Variants in TULP2 observed in about 807,000 individuals in gnomAD.
The protein encoded by TULP2 is tubby-related protein 2.
Under a neutral mutation model 60.3 loss-of-function variants are expected in TULP2, and 64 were observed. The observed-to-expected ratio is 1.06, with a 90% CI of 0.87 to 1.31. The LOEUF (loss-of-function observed/expected upper bound fraction) is 1.31. Ranked by LOEUF, TULP2 falls within the 50% of genes most tolerant of loss-of-function variation. TULP2 has a pLI of 0.00. For missense variants in TULP2, 652 were observed against 667.0 expected, an observed-to-expected ratio of 0.98 and a Z score of 0.25; for synonymous variants, 267 against 265.4, an observed-to-expected ratio of 1.01 and a Z score of -0.06.
intron 9 of TULP2, among the ~76,000 whole-genome samples, chr19:48,885,192 C>T (rs1424927773): frequency 4.6e-5 from 7 of 152,104 alleles, no homozygotes; most frequent in African/African-American, 1.7e-4. Flanking sequence ...TGAGCCACCT[C>T]GCCACTCCCT....
Position 48,882,074 on chromosome 19 carries a change from G to T in TULP2, c.1405C>A (p.Arg469=), listed in dbSNP as rs760643540. Residue 469 remains arginine (R), a synonymous_variant, in exon 12 of 13, where the codon CGG becomes AGG. Coordinates refer to ENST00000221399, the MANE Select transcript of TULP2 (RefSeq NM_003323.3). ...ATTTGGAAGTTCTTCACCGAAGCCCGAGTGACTCGACCATGGAAATTGAGC... is the reference window on the plus strand; with the variant it reads ...ATTTGGAAGTTCTTCACCGAAGCCCTAGTGACTCGACCATGGAAATTGAGC... ...YTLNFHGRVT[R]ASVKNFQIVD... 6.2e-7 allele frequency: 1 copy of T among 1,614,172 alleles called. No homozygotes were observed. The highest frequency in any genetic ancestry group is 1.7e-5 in the Admixed American group (1 of 60,006).
chr19:48,883,218 CAAA>C (rs1284152622), intron 11 of TULP2, among the ~76,000 whole-genome samples: 7 of 93,940 alleles, frequency 7.5e-5, no homozygotes, highest in Admixed American at 2.4e-4. Flanking sequence ...GACTCTGTCT[CAAA>C]AAAAAAAAAA....
rs760487560 is a variant in TULP2 at position 48,897,821 on chromosome 19, C to A, written c.32+16G>T. Reference sequence around the variant, plus strand: ...CCTTTCCACCTCCACCCCTACCCATCTGTTTCCCTACTCACTCTCTCATCA... The same window carrying A: ...CCTTTCCACCTCCACCCCTACCCATATGTTTCCCTACTCACTCTCTCATCA... On this transcript the variant is annotated intron_variant, in intron 2 of 12. Transcript: ENST00000221399. The surrounding 1 kb of genome is among the most constrained non-coding windows in gnomAD (Gnocchi z 4.0). 2.5e-6 allele frequency: 4 copies of A among 1,613,796 alleles called. No homozygotes were observed. The Admixed American group carries it at 6.7e-5, about 27-fold the overall frequency.
At chr19:48,889,686 A>G in intron 6 of TULP2, 55 bp from the exon 7 acceptor site, 2 of 1,490,964 alleles carry the variant, frequency 1.3e-6, no homozygotes, top group Non-Finnish European at 1.8e-6. Context: ...GTGTAGAAAG[A>G]AGTAGACATA....
chr19:48,885,790 C>T (rs1165531667), intron 8 of TULP2, among the ~76,000 whole-genome samples: 3 of 151,864 alleles, frequency 2.0e-5, no homozygotes, highest in Non-Finnish European at 2.9e-5. Context: ...GAGGCTAAGG[C>T]AGGAGAATTG....
chr19:48,896,922 C>CTCTA (rs142467756), intron 3 of TULP2, among the ~76,000 whole-genome samples: 15,966 of 151,048 alleles, frequency 0.11, 1,156 homozygotes, highest in Non-Finnish European at 0.16. Context: ...CAGAGTCTGG[C>CTCTA]TCTATCGCCC....
intron 6 of TULP2, among the ~76,000 whole-genome samples, chr19:48,890,382 G>A (rs9676277): frequency 0.012 from 1,307 of 111,784 alleles, no homozygotes; most frequent in African/African-American, 0.038. Context: ...CTATTGTCTT[G>A]TGACCCTGAC....
chr19:48,895,708 C>T (rs1229650514), intron 4 of TULP2, among the ~76,000 whole-genome samples: 1 of 152,012 alleles, frequency 6.6e-6, no homozygotes, highest in Admixed American at 6.6e-5. Context: ...GGAGAAACAC[C>T]GTCTCTACTA....
At chr19:48,885,682 G>C in intron 8 of TULP2, 122 bp from the exon 9 acceptor site, 1 of 751,510 alleles carries the variant, frequency 1.3e-6, no homozygotes, top group Non-Finnish European at 2.1e-6. Context: ...ACAGGAGTTC[G>C]AGACCAGCCT....
At chr19:48,887,257 C>T (rs1480352343) in intron 8 of TULP2, among the ~76,000 whole-genome samples, 9 of 146,102 alleles carry the variant, frequency 6.2e-5, no homozygotes, top group Non-Finnish European at 9.0e-5. Flanking sequence ...GTGATCTGCA[C>T]GCCTCGGCCT....
At chr19:48,881,934 A>G in intron 12 of TULP2, 98 bp downstream of exon 12, 2 of 1,547,876 alleles carry the variant, frequency 1.3e-6, no homozygotes, top group Non-Finnish European at 1.8e-6. Context: ...CCCTGCCTAG[A>G]AAAACGCTCA....
At chr19:48,891,799 C>T (rs530528063) in intron 6 of TULP2, among the ~76,000 whole-genome samples, 33 of 152,270 alleles carry the variant, frequency 2.2e-4, no homozygotes, top group African/African-American at 7.5e-4. Flanking sequence ...ACTATCTTTA[C>T]TATCTTGGTG....
intron 6 of TULP2, among the ~76,000 whole-genome samples, chr19:48,889,936 G>T (rs561889132): frequency 7.4e-5 from 11 of 148,804 alleles, no homozygotes; most frequent in Non-Finnish European, 1.5e-4. Context: ...CCGCGGAAGG[G>T]CGCAGGGACC....
chr19:48,885,608 G>A (rs2037172765), intron 8 of TULP2, 48 bp from the exon 9 acceptor site: 1 of 1,564,918 alleles, frequency 6.4e-7, no homozygotes, highest in South Asian at 1.1e-5. Flanking sequence ...TGGATGCTGG[G>A]TGTGGTGGCT....
At chr19:48,896,607 CAG>C in intron 3 of TULP2, 51 bp from the exon 4 acceptor site, 4 of 1,534,576 alleles carry the variant, frequency 2.6e-6, no homozygotes, top group Non-Finnish European at 3.5e-6. Context: ...GATGGGAAGA[CAG>C]AAGTGAGGTG....
Position 48,888,059 on chromosome 19 carries a change from G to T in TULP2, c.839C>A (p.Ala280Glu), listed in dbSNP as rs201743574. ...EDMEAYVLRP[A>E]LPGTMMQCYL... is the part of the protein sequence containing the mutation. ...GCACTGCATCATGGTGCCCGGGAGC[G>T]CTGGCCGCAGCACGTAGGCTTCCAT... Residue 280 changes from alanine (A) to glutamate (E), a missense_variant, in exon 8 of 13, where the codon GCG becomes GAG. Ala to Glu is a moderately radical substitution (Grantham distance 107). Transcript: ENST00000221399. 1.2e-6 allele frequency: 2 copies of T among 1,614,168 alleles called. No homozygotes were observed. Among genetic ancestry groups the T allele is most frequent in the Non-Finnish European group, 1.7e-6 (2 of 1,180,052 alleles).
At chr19:48,888,905 A>G (rs2037207671) in intron 7 of TULP2, among the ~76,000 whole-genome samples, 1 of 151,386 alleles carries the variant, frequency 6.6e-6, no homozygotes, top group African/African-American at 2.4e-5. Context: ...TACAGGCGTG[A>G]GTCACCGTTC....
At chr19:48,896,326 A>C in intron 4 of TULP2, 104 bp downstream of exon 4, 12 of 1,399,318 alleles carry the variant, frequency 8.6e-6, no homozygotes, top group South Asian at 6.1e-5. Flanking sequence ...ATCCACTGCC[A>C]AGTCCCCACC....
At chr19:48,881,192 A>ATT in intron 12 of TULP2, 66 bp from the exon 13 acceptor site, 3 of 614,568 alleles carry the variant, frequency 4.9e-6, no homozygotes, top group East Asian at 3.7e-5. Context: ...GAGAACTGAG[A>ATT]CTTTTTTTTT....
Sources: allele counts gnomAD v4.1 joint callset (sites outside exome capture counted in the v4.1 genomes callset), GRCh38; gene constraint gnomAD v4.1.1; non-coding constraint Gnocchi (gnomAD v3.1); transcripts MANE v1.5; gene names NCBI Gene and HGNC (gene_info 2026-07-23, HGNC 2026-07-21).